RTN1: variants seen among roughly 807,000 people sequenced by gnomAD.
RTN1 encodes the protein reticulon 1.
RTN1 carries 25 observed loss-of-function variants against 65.5 expected under a neutral mutation model. The observed-to-expected ratio is 0.38, with a 90% CI of 0.28 to 0.53. The LOEUF is 0.53. Ranked by LOEUF, RTN1 falls within the 20% of genes least tolerant of loss-of-function variation. The pLI is 0.79. For missense variants in RTN1, 983 were observed against 1,025.4 expected (o/e 0.96, Z 0.57); for synonymous variants, 471 against 447.6 (o/e 1.05, Z -0.66).
chr14:59,631,367 C>G (rs1425077172), intron 3 of RTN1, among the ~76,000 whole-genome samples: 1 of 152,132 alleles, frequency 6.6e-6, no homozygotes, highest in Admixed American at 6.5e-5. Context: ...CAGTGACAAT[C>G]CAAGGGTGTC....
chr14:59,755,664 A>G (rs867916427), intron 1 of RTN1, among the ~76,000 whole-genome samples: 4 of 152,336 alleles, frequency 2.6e-5, no homozygotes, highest in South Asian at 4.1e-4. Context: ...TGAATATGCC[A>G]GAGAGACTCT....
At chr14:59,764,487 A>AT (rs2139551073) in intron 1 of RTN1, among the ~76,000 whole-genome samples, 1 of 151,952 alleles carries the variant, frequency 6.6e-6, no homozygotes. Context: ...TGCCCAACTA[A>AT]TTTTTTGTAT....
At position 59,820,212 on chromosome 14, in the gene RTN1, T is replaced by C. The variant is rs918157310; in HGVS notation, c.241+50178A>G. Among the ~76,000 whole-genome samples, 7 of 152,154 alleles carry C rather than the reference T, an allele frequency of 4.6e-5. 1 individual carries two copies. In the East Asian group the frequency reaches 9.6e-4, roughly 21 times the overall value. ...TCTTCTTTTGAGAAGTGTCTATTCA[T>C]GTCCTTTGCCTACTTTTTAATGGGG... On this transcript the variant is annotated intron_variant, in intron 1 of 8. Transcript: ENST00000267484.
Position 59,824,501 on chromosome 14 carries a change from A to T in RTN1, c.241+45889T>A, listed in dbSNP as rs150444289. On this transcript the variant is annotated intron_variant, in intron 1 of 8. Transcript: ENST00000267484. ...ATTTCCTAAAATTGCCCAAAAAGTG[A>T]TCTTCAGAAAAGTAAGATGTTACAT... 1.5e-3 allele frequency among the ~76,000 whole-genome samples: 225 copies of T among 152,308 alleles called. 1 individual carries two copies. The highest frequency in any genetic ancestry group is 4.9e-3 in the African/African-American group (205 of 41,562).
At chr14:59,753,900 C>T (rs1048675590) in intron 1 of RTN1, among the ~76,000 whole-genome samples, 2 of 152,168 alleles carry the variant, frequency 1.3e-5, no homozygotes, top group African/African-American at 4.8e-5. Flanking sequence ...TCAGATATTT[C>T]TCCACAGCTG....
At chr14:59,720,484 G>C (rs1884624247) in intron 3 of RTN1, among the ~76,000 whole-genome samples, 2 of 152,220 alleles carry the variant, frequency 1.3e-5, no homozygotes, top group Admixed American at 1.3e-4. Flanking sequence ...CATTTTGAGA[G>C]GCCAAGGCAG....
chr14:59,859,449 C>T (rs1237406029), intron 1 of RTN1, among the ~76,000 whole-genome samples: 1 of 152,234 alleles, frequency 6.6e-6, no homozygotes, highest in African/African-American at 2.4e-5. Context: ...CATTAAACCT[C>T]TTTCTTTTGT....
chr14:59,607,183 G>A (rs913227480), intron 4 of RTN1, 102 bp downstream of exon 4: 6 of 961,644 alleles, frequency 6.2e-6, no homozygotes, highest in Non-Finnish European at 9.6e-6. Flanking sequence ...AGGTCTGTTG[G>A]GTCTCAGAGA....
intron 3 of RTN1, among the ~76,000 whole-genome samples, chr14:59,631,115 C>A (rs1321630912): frequency 6.6e-6 from 1 of 152,158 alleles, no homozygotes; most frequent in Non-Finnish European, 1.5e-5. Flanking sequence ...TTTTAATTGC[C>A]CAGAATCTTC....
At chr14:59,619,765 AAGG>A (rs565155887) in intron 3 of RTN1, among the ~76,000 whole-genome samples, 57 of 152,280 alleles carry the variant, frequency 3.7e-4, no homozygotes, top group African/African-American at 1.3e-3. Context: ...TATGGCAGCC[AAGG>A]AGAAGGACAT....
chr14:59,806,251 A>T lies in RTN1; in HGVS notation c.242-59770T>A, dbSNP rs142724135. ...CTCCTTCTCAAAAAATAATAATAAT[A>T]ATAATTATTATTATATATATTTGAC... On this transcript the variant is annotated intron_variant, in intron 1 of 8. Coordinates refer to ENST00000267484, the MANE Select transcript of RTN1 (RefSeq NM_021136.3). Among the ~76,000 whole-genome samples, 538 of 150,736 alleles carry T rather than the reference A, an allele frequency of 3.6e-3. 13 individuals carry two copies. The East Asian group carries it at 0.051, about 14-fold the overall frequency.
intron 3 of RTN1, among the ~76,000 whole-genome samples, chr14:59,624,009 G>C (rs1882325457): frequency 6.6e-6 from 1 of 152,188 alleles, no homozygotes; most frequent in Non-Finnish European, 1.5e-5. Flanking sequence ...AAAATGTGTA[G>C]AACTGCAATA....
At chr14:59,622,034 C>G (rs966898122) in intron 3 of RTN1, among the ~76,000 whole-genome samples, 6 of 152,176 alleles carry the variant, frequency 3.9e-5, no homozygotes, top group African/African-American at 1.4e-4. Flanking sequence ...ATTAATGCTA[C>G]TTTTTAAAAG....
At chr14:59,746,502 A>C in intron 1 of RTN1, 21 bp from the exon 2 acceptor site, 2 of 1,550,856 alleles carry the variant, frequency 1.3e-6, no homozygotes, top group Middle Eastern at 3.5e-4. Context: ...AAGCAGCAGC[A>C]GACAGTGAGT....
intron 3 of RTN1, among the ~76,000 whole-genome samples, chr14:59,618,906 T>C (rs1272574170): frequency 6.6e-6 from 1 of 152,204 alleles, no homozygotes; most frequent in African/African-American, 2.4e-5. Context: ...ATCATAAAAT[T>C]TGGATCCTGC....
intron 3 of RTN1, among the ~76,000 whole-genome samples, chr14:59,704,640 A>G (rs551921963): frequency 6.6e-6 from 1 of 152,336 alleles, no homozygotes; most frequent in East Asian, 1.9e-4. Flanking sequence ...TGCTGTGCAG[A>G]CAGAAGTAAA....
chr14:59,671,330 T>G (rs1883499804), intron 3 of RTN1, among the ~76,000 whole-genome samples: 1 of 152,208 alleles, frequency 6.6e-6, no homozygotes, highest in African/African-American at 2.4e-5. Context: ...GATCCAGAGT[T>G]CTTGAAGAAA....
At chr14:59,646,512 A>G (rs994296976) in intron 3 of RTN1, among the ~76,000 whole-genome samples, 1 of 152,178 alleles carries the variant, frequency 6.6e-6, no homozygotes, top group Non-Finnish European at 1.5e-5. Context: ...ACACAATCAG[A>G]CTTTCCAGGG....
intron 3 of RTN1, among the ~76,000 whole-genome samples, chr14:59,667,585 A>G (rs1012443808): frequency 2.0e-4 from 31 of 152,334 alleles, no homozygotes; most frequent in African/African-American, 7.5e-4. Flanking sequence ...CTCCTATTCA[A>G]CATAGTGTTG....
Sources: gnomAD v4.1 joint callset for allele counts (sites outside exome capture counted in the v4.1 genomes callset) on GRCh38, gnomAD v4.1.1 for gene constraint, MANE v1.5 for transcripts, NCBI Gene and HGNC (gene_info 2026-07-23, HGNC 2026-07-21) for gene names.